MAP3K7CL: variants seen among roughly 807,000 people sequenced by gnomAD.
MAP3K7CL encodes MAP3K7 C-terminal-like protein.
In MAP3K7CL, 16 loss-of-function variants were observed where a neutral mutation model predicts 18.6. That is an observed-to-expected ratio of 0.86 (90% CI 0.58 to 1.31). The LOEUF is 1.31. Among genes scored for constraint, MAP3K7CL ranks in the 50% most tolerant of loss-of-function variants. The pLI is 0.00. For synonymous variants in MAP3K7CL, 65 were observed against 66.8 expected, an observed-to-expected ratio of 0.97 and a Z score of 0.13; for missense variants, 163 against 174.4, an observed-to-expected ratio of 0.93 and a Z score of 0.37.
At chr21:29,155,617 T>C (rs2087384030) in intron 3 of MAP3K7CL, among the ~76,000 whole-genome samples, 1 of 152,120 alleles carries the variant, frequency 6.6e-6, no homozygotes, top group Admixed American at 6.5e-5. Flanking sequence ...GACCCTGCGG[T>C]TTCTCTCTTA....
chr21:29,140,017 CAGAT>C (rs1601228114), intron 2 of MAP3K7CL, among the ~76,000 whole-genome samples: 1 of 149,200 alleles, frequency 6.7e-6, no homozygotes, highest in African/African-American at 2.5e-5. Flanking sequence ...AACTGAGGCT[CAGAT>C]AGTCATTATG....
Position 29,149,231 on chromosome 21 carries a change from A to T in MAP3K7CL, c.113A>T (p.Glu38Val), listed in dbSNP as rs1179065950. The T allele has an allele frequency of 2.5e-6, 4 of 1,613,908 alleles. No homozygotes were observed. Among genetic ancestry groups the T allele is most frequent in the Non-Finnish European group, 3.4e-6 (4 of 1,179,774 alleles). Residue 38 changes from glutamate (E) to valine (V), a missense_variant, in exon 3 of 5, where the codon GAA becomes GTA. By Grantham distance (121) the Glu-to-Val change is moderately radical. Coordinates refer to ENST00000399928, the MANE Select transcript of MAP3K7CL (RefSeq NM_001286620.2). Reference protein sequence around the residue: ...PEDSIPLVFPELDQQLQPLPP... With the variant: ...PEDSIPLVFPVLDQQLQPLPP... ...GACTCCATTCCTTTGGTCTTTCCAG[A>T]ATTAGACCAGCAGCTACAGGTAAGG...
chr21:29,107,250 G>A (rs956766992), intron 4 of MAP3K7CL, among the ~76,000 whole-genome samples: 36 of 152,126 alleles, frequency 2.4e-4, no homozygotes, highest in African/African-American at 7.7e-4. Flanking sequence ...AGGAGGCGGA[G>A]GTTGCAGTGA....
chr21:29,119,721 G>A (rs2086561922), intron 4 of MAP3K7CL, among the ~76,000 whole-genome samples: 2 of 148,322 alleles, frequency 1.3e-5, no homozygotes, highest in Non-Finnish European at 1.5e-5. Flanking sequence ...GGAGTACAGT[G>A]ACATGATCTC....
chr21:29,102,221 C>A (rs559875446), intron 4 of MAP3K7CL, among the ~76,000 whole-genome samples: 1 of 152,320 alleles, frequency 6.6e-6, no homozygotes, highest in South Asian at 2.1e-4. Context: ...GGATTTCAGT[C>A]ACTTCTCATC....
At chr21:29,113,524 G>A (rs1547695) in intron 4 of MAP3K7CL, among the ~76,000 whole-genome samples, 67,948 of 151,904 alleles carry the variant, frequency 0.45, 15,397 homozygotes, top group East Asian at 0.63. Flanking sequence ...CATGATCTCA[G>A]CTCATTGCAA....
At chr21:29,109,078 C>A (rs2086374195) in intron 4 of MAP3K7CL, 3 of 1,535,018 alleles carry the variant, frequency 2.0e-6, no homozygotes, top group South Asian at 1.2e-5. Context: ...ATCAGAGAAA[C>A]CTTGTTCATC....
At position 29,130,899 on chromosome 21, in the gene MAP3K7CL, A is replaced by G. The variant is rs1311449024; in HGVS notation, c.-64A>G. On this transcript the variant is annotated 5_prime_UTR_variant, in exon 1 of 5. Coordinates refer to ENST00000399928, the MANE Select transcript of MAP3K7CL (RefSeq NM_001286620.2). ...GGCAGTGGCTGGCTCTGGGTTACAC[A>G]AGTGCAGACACTCAACTAAGTGAGG... The G allele has an allele frequency of 1.0e-6, 1 of 985,430 alleles. No individual in the cohort carries two copies. The highest frequency in any genetic ancestry group is 1.2e-6 in the Non-Finnish European group (1 of 830,016). 61.0% of individuals were successfully genotyped at this position (985,430 alleles called of 1,614,324 possible).
intron 4 of MAP3K7CL, among the ~76,000 whole-genome samples, chr21:29,105,280 C>A (rs973543105): frequency 6.6e-6 from 1 of 152,306 alleles, no homozygotes; most frequent in Middle Eastern, 3.4e-3. Context: ...TACAGGTGAT[C>A]GTTCATTCTC....
intron 3 of MAP3K7CL, chr21:29,092,167 T>A: frequency 2.3e-6 from 1 of 428,136 alleles, no homozygotes; most frequent in Non-Finnish European, 4.2e-6. Context: ...TAATCAGCTC[T>A]CTTTGTTTTT....
chr21:29,119,621 C>T (rs992438309), intron 4 of MAP3K7CL, among the ~76,000 whole-genome samples: 1 of 151,442 alleles, frequency 6.6e-6, no homozygotes, highest in African/African-American at 2.4e-5. Flanking sequence ...GAAAAACGTG[C>T]ATGGGATATA....
At chr21:29,103,032 T>C (rs2086260491) in intron 4 of MAP3K7CL, among the ~76,000 whole-genome samples, 1 of 152,182 alleles carries the variant, frequency 6.6e-6, no homozygotes, top group Non-Finnish European at 1.5e-5. Flanking sequence ...GCTAAGCTGC[T>C]CCCAGATTCT....
At chr21:29,097,671 G>T (rs942896779) in intron 4 of MAP3K7CL, among the ~76,000 whole-genome samples, 1 of 151,922 alleles carries the variant, frequency 6.6e-6, no homozygotes, top group African/African-American at 2.4e-5. Flanking sequence ...CATAGCAATT[G>T]ATTTCACATA....
chr21:29,153,827 G>T (rs1601250921), intron 3 of MAP3K7CL, among the ~76,000 whole-genome samples: 2 of 152,238 alleles, frequency 1.3e-5, no homozygotes, highest in South Asian at 2.1e-4. Context: ...ATCCTTTCAT[G>T]GTCCCAGGGT....
At chr21:29,148,475 A>G (rs1350849074) in intron 2 of MAP3K7CL, among the ~76,000 whole-genome samples, 2 of 152,158 alleles carry the variant, frequency 1.3e-5, no homozygotes, top group Non-Finnish European at 2.9e-5. Context: ...GTTTCCTCAA[A>G]TGCTTCTTAG....
chr21:29,146,951 G>A (rs998714292), intron 2 of MAP3K7CL, among the ~76,000 whole-genome samples: 1 of 152,120 alleles, frequency 6.6e-6, no homozygotes, highest in African/African-American at 2.4e-5. Flanking sequence ...ATTCTGGACT[G>A]TACTATCAGC....
intron 4 of MAP3K7CL, among the ~76,000 whole-genome samples, chr21:29,124,228 C>T (rs184011361): frequency 1.3e-5 from 2 of 151,920 alleles, no homozygotes; most frequent in South Asian, 2.1e-4. Context: ...GTGGCAGGCA[C>T]CTGTAATCCC....
chr21:29,110,557 C>T (rs1265576931), intron 4 of MAP3K7CL, among the ~76,000 whole-genome samples: 2 of 152,032 alleles, frequency 1.3e-5, no homozygotes, highest in African/African-American at 4.8e-5. Flanking sequence ...CCCCCAGGCC[C>T]ACCTAATTCT....
chr21:29,087,698 A>T (rs1349748805), intron 1 of MAP3K7CL, among the ~76,000 whole-genome samples: 1 of 145,012 alleles, frequency 6.9e-6, no homozygotes, highest in Non-Finnish European at 1.5e-5. Flanking sequence ...GGTTCAAACG[A>T]TTCTCTTGCC....
Sources: gnomAD v4.1 joint callset for allele counts (sites outside exome capture counted in the v4.1 genomes callset) on GRCh38, gnomAD v4.1.1 for gene constraint, MANE v1.5 for transcripts, NCBI Gene and HGNC (gene_info 2026-07-23, HGNC 2026-07-21) for gene names.